Variants in TBCD observed in about 807,000 individuals in gnomAD.
TBCD encodes tubulin-specific chaperone D.
In TBCD, 105 loss-of-function variants were observed where a neutral mutation model predicts 169.3. That is an observed-to-expected ratio of 0.62 (90% CI 0.53 to 0.73). TBCD has a LOEUF of 0.73. TBCD is among the 30% of genes least tolerant of loss of function. The pLI, the probability that TBCD is intolerant of heterozygous loss-of-function variation, is 0.00. For missense variants in TBCD, 1,444 were observed against 1,600.1 expected (o/e 0.90, Z 1.66); for synonymous variants, 700 against 643.9 (o/e 1.09, Z -1.32).
chr17:82,827,292 C>T (rs1279455430), intron 13 of TBCD, among the ~76,000 whole-genome samples: 3 of 152,220 alleles, frequency 2.0e-5, no homozygotes, highest in Admixed American at 6.5e-5. Context: ...AAGCATTTCC[C>T]AGTCTCTGGA....
rs552897602 is a variant in TBCD, at chr17:82,927,374, C to G, written c.2609+51C>G. 5 of 1,575,748 alleles carry G rather than the reference C, an allele frequency of 3.2e-6. No individual in the cohort carries two copies. In the Middle Eastern group the frequency reaches 8.2e-4, roughly 259 times the overall value. On this transcript the variant is annotated intron_variant, in intron 29 of 38. Transcript: ENST00000355528. ...CTTCTTCTGAGAAGCCCATCTATTC[C>G]GTGGAAACTCGGAGGCCCCGGGCTT... is the stretch of plus-strand genomic sequence containing the variant.
At chr17:82,937,853 C>A (rs893007983) in intron 35 of TBCD, 196 bp from the exon 36 acceptor site, 2 of 1,499,204 alleles carry the variant, frequency 1.3e-6, no homozygotes, top group Non-Finnish European at 1.8e-6. Flanking sequence ...CAGTGACTTT[C>A]CAAGTGCGAC....
At chr17:82,856,644 G>T (rs1250252139) in intron 13 of TBCD, among the ~76,000 whole-genome samples, 1 of 152,224 alleles carries the variant, frequency 6.6e-6, no homozygotes, top group Non-Finnish European at 1.5e-5. Flanking sequence ...CCCTTGTGAA[G>T]AATGCTTCTG....
At chr17:82,815,354 C>T (rs907248126) in intron 13 of TBCD, among the ~76,000 whole-genome samples, 8 of 152,234 alleles carry the variant, frequency 5.3e-5, no homozygotes, top group African/African-American at 1.7e-4. Context: ...TGCAGTGGCA[C>T]CTGCTTCAGT....
At position 82,832,618 on chromosome 17, in the gene TBCD, G is replaced by A. The variant is rs1182172470; in HGVS notation, c.1318+17684G>A. The A allele has an allele frequency of 4.4e-5, 30 of 675,814 alleles. No individual in the cohort carries two copies. The highest frequency in any genetic ancestry group is 6.2e-5 in the Non-Finnish European group (24 of 387,584). 41.9% of individuals were successfully genotyped at this position (675,814 alleles called of 1,614,324 possible). On this transcript the variant is annotated intron_variant, in intron 13 of 38. Coordinates refer to ENST00000355528, the MANE Select transcript of TBCD (RefSeq NM_005993.5). The surrounding 1 kb of genome is among the most constrained non-coding windows in gnomAD (Gnocchi z 4.9). Reference sequence around the variant, plus strand: ...TGCTGAGGGTCTGGCGAGAGCCTCCGTCATCTGGCGGCTGGGAGCTGTAAT... The same window carrying A: ...TGCTGAGGGTCTGGCGAGAGCCTCCATCATCTGGCGGCTGGGAGCTGTAAT...
intron 13 of TBCD, among the ~76,000 whole-genome samples, chr17:82,866,671 G>A (rs1287359673): frequency 6.6e-6 from 1 of 152,130 alleles, no homozygotes; most frequent in African/African-American, 2.4e-5. Flanking sequence ...CTGGATGCCT[G>A]TAGCAGCACT....
At chr17:82,818,520 T>G (rs2052129397) in intron 13 of TBCD, among the ~76,000 whole-genome samples, 1 of 152,228 alleles carries the variant, frequency 6.6e-6, no homozygotes, top group Admixed American at 6.5e-5. Flanking sequence ...AATCCTAGCC[T>G]CTTGGGAGGC....
intron 14 of TBCD, among the ~76,000 whole-genome samples, chr17:82,883,049 T>G (rs1444413390): frequency 8.7e-5 from 1 of 11,482 alleles, no homozygotes; most frequent in Non-Finnish European, 1.9e-4. Flanking sequence ...TGGATGTATC[T>G]TTCACATTTA....
In TBCD at chr17:82,903,726, C is replaced by T. The variant is rs533679743; in HGVS notation, c.1804+248C>T. On this transcript the variant is annotated intron_variant, in intron 19 of 38. Transcript: ENST00000355528. This position sits in a 1 kb window ranked among gnomAD's most constrained non-coding sequence, Gnocchi z 4.8. Reference sequence around the variant, plus strand: ...ACACCGGAGCCCGTGATGGTCCCGCCGGATGCCTGACATGCAGTGCTGCTT... The same window carrying T: ...ACACCGGAGCCCGTGATGGTCCCGCTGGATGCCTGACATGCAGTGCTGCTT... Among the ~76,000 whole-genome samples, 15 of 152,282 alleles carry T rather than the reference C, an allele frequency of 9.9e-5. No homozygotes were observed. Among genetic ancestry groups the T allele is most frequent in the South Asian group, 4.1e-4 (2 of 4,822 alleles).
chr17:82,846,415 C>T (rs1330261356), intron 13 of TBCD, among the ~76,000 whole-genome samples: 1 of 151,760 alleles, frequency 6.6e-6, no homozygotes, highest in African/African-American at 2.4e-5. Flanking sequence ...GCCCGCTGCT[C>T]TCTTTGGGAC....
At chr17:82,876,405 A>ATTCCC (rs2057977913) in intron 14 of TBCD, among the ~76,000 whole-genome samples, 1 of 152,224 alleles carries the variant, frequency 6.6e-6, no homozygotes, top group Admixed American at 6.5e-5. Context: ...GGGATGGTAG[A>ATTCCC]TGAACGTGGT....
chr17:82,893,353 G>A (rs1312216662), intron 16 of TBCD, among the ~76,000 whole-genome samples, 194 bp from the exon 17 acceptor site: 1 of 152,220 alleles, frequency 6.6e-6, no homozygotes, highest in Non-Finnish European at 1.5e-5. Flanking sequence ...GTGTTGCCTG[G>A]GTAGACCGTC....
intron 13 of TBCD, among the ~76,000 whole-genome samples, chr17:82,844,375 G>A (rs1201392111): frequency 6.6e-6 from 1 of 152,138 alleles, no homozygotes; most frequent in African/African-American, 2.4e-5. Context: ...TGCATCGTCA[G>A]TGTGGCTGCC....
chr17:82,871,541 C>T (rs939360309), intron 14 of TBCD, among the ~76,000 whole-genome samples: 4 of 152,364 alleles, frequency 2.6e-5, no homozygotes, highest in African/African-American at 9.6e-5. Flanking sequence ...TTAGAAGCTC[C>T]TCCTGCAGCT....
At chr17:82,771,311 C>T (rs930787263) in intron 5 of TBCD, among the ~76,000 whole-genome samples, 14 of 151,830 alleles carry the variant, frequency 9.2e-5, no homozygotes, top group African/African-American at 2.4e-4. Flanking sequence ...CAGTCTCTAC[C>T]AAAAAATAAA....
At chr17:82,883,706 G>A (rs2058529381) in intron 14 of TBCD, among the ~76,000 whole-genome samples, 2 of 152,232 alleles carry the variant, frequency 1.3e-5, no homozygotes, top group Admixed American at 6.5e-5. Context: ...CCTGCCCCGG[G>A]GCATTTGTGT....
rs142088472 is a variant in TBCD at position 82,862,506 on chromosome 17, T to C, written c.1319-7718T>C. 1.8e-3 allele frequency among the ~76,000 whole-genome samples: 278 copies of C among 152,072 alleles called. 2 individuals are homozygous for C. The highest frequency in any genetic ancestry group is 6.0e-3 in the African/African-American group (248 of 41,472). ...CTCCTTGCAGTTTGGGTGAATAATGTGTGATGAGGCCTAAGAGGAGATTTA... is the reference window on the plus strand; with the variant it reads ...CTCCTTGCAGTTTGGGTGAATAATGCGTGATGAGGCCTAAGAGGAGATTTA... On this transcript the variant is annotated intron_variant, in intron 13 of 38. Transcript: ENST00000355528.
rs1241332510 is a variant in TBCD, at chr17:82,884,647, T to C, written c.1533+445T>C. 6.6e-6 allele frequency among the ~76,000 whole-genome samples: 1 copy of C among 152,188 alleles called. No individual in the cohort carries two copies. The highest frequency in any genetic ancestry group is 1.5e-5 in the Non-Finnish European group (1 of 68,014). On this transcript the variant is annotated intron_variant, in intron 15 of 38. Transcript: ENST00000355528. The surrounding 1 kb of genome is among the most constrained non-coding windows in gnomAD (Gnocchi z 4.2). The stretch of plus-strand genomic sequence containing the variant: ...CTCTGCTTCACCCGCCACACTCGCC[T>C]GGGCCTTGCTGGATGTGGGAGCTGC...
intron 2 of TBCD, among the ~76,000 whole-genome samples, chr17:82,759,716 A>AT: frequency 6.6e-6 from 1 of 152,258 alleles, no homozygotes; most frequent in African/African-American, 2.4e-5. Context: ...ATTTTTCCTA[A>AT]TCAGTTATGT....
Sources: allele counts gnomAD v4.1 joint callset (sites outside exome capture counted in the v4.1 genomes callset), GRCh38; gene constraint gnomAD v4.1.1; non-coding constraint Gnocchi (gnomAD v3.1); transcripts MANE v1.5; gene names NCBI Gene and HGNC (gene_info 2026-07-23, HGNC 2026-07-21).